Variants in RNF125 observed in about 807,000 individuals in gnomAD.
RNF125 encodes ring finger protein 125.
A neutral mutation model predicts 26.0 loss-of-function variants in RNF125; 21 were observed. The ratio of observed to expected loss-of-function variants is 0.81; its 90% CI spans 0.57 to 1.16. The LOEUF (loss-of-function observed/expected upper bound fraction) is 1.16. Ranked by LOEUF, RNF125 falls within the 50% of genes most tolerant of loss-of-function variation. RNF125 has a pLI of 0.00. For synonymous variants in RNF125, 95 were observed against 109.2 expected (o/e 0.87, Z 0.81); for missense variants, 270 against 299.4 (o/e 0.90, Z 0.72).
At chr18:32,076,606 C>T (rs1322950138), downstream of RNF125, among the ~76,000 whole-genome samples, 8 of 152,238 alleles carry the variant, frequency 5.3e-5, no homozygotes, top group South Asian at 4.1e-4. Flanking sequence ...CCAACACGCC[C>T]GGCCTCCATT....
intron 4 of RNF125, among the ~76,000 whole-genome samples, chr18:32,049,087 T>A (rs887804631): frequency 1.3e-5 from 2 of 152,178 alleles, no homozygotes; most frequent in African/African-American, 4.8e-5. Context: ...GTCAGTTCCG[T>A]GGTACTGTGT....
At position 32,052,048 on chromosome 18, in the gene RNF125, T is replaced by C. The variant is rs555340684; in HGVS notation, c.504+6316T>C. Among the ~76,000 whole-genome samples the C allele has an allele frequency of 2.0e-5, 3 of 152,278 alleles. No homozygotes were observed. In the East Asian group the frequency reaches 5.8e-4, roughly 29 times the overall value. On this transcript the variant is annotated intron_variant, in intron 4 of 5. Transcript: ENST00000217740. Reference sequence around the variant, plus strand: ...ATTCCTTAAGGAAGGGACAGGACTTTTGGTTTGAAGTGTAAACTGTGATGA... The same window carrying C: ...ATTCCTTAAGGAAGGGACAGGACTTCTGGTTTGAAGTGTAAACTGTGATGA...
In RNF125 at chr18:32,037,159, T is replaced by A; in HGVS notation, c.208T>A (p.Trp70Arg). The part of the protein sequence containing the change: ...CIATSLKNNK[W>R]TCPYCRAYLP... The stretch of plus-strand genomic sequence containing the variant: ...TGCTACCAGTCTAAAGAACAACAAG[T>A]GGACCTGTCCTTATTGCCGGGCATA... The change falls in exon 2 of 6, where the codon TGG becomes AGG. Residue 70 changes from tryptophan (W) to arginine (R), a missense_variant. Coordinates refer to ENST00000217740, the MANE Select transcript of RNF125 (RefSeq NM_017831.4). 1 of 1,607,316 alleles carries A rather than the reference T, an allele frequency of 6.2e-7. No homozygotes were observed. The highest frequency in any genetic ancestry group is 1.3e-5 in the African/African-American group (1 of 74,590).
At chr18:32,062,215 C>G (rs1450219123) in intron 4 of RNF125, among the ~76,000 whole-genome samples, 1 of 152,082 alleles carries the variant, frequency 6.6e-6, no homozygotes, top group Non-Finnish European at 1.5e-5. Flanking sequence ...TATCTAACTT[C>G]AAAGTATCCT....
At chr18:32,088,102 T>G in the RNF125 span, among the ~76,000 whole-genome samples, 1 of 152,182 alleles carries the variant, frequency 6.6e-6, no homozygotes, top group African/African-American at 2.4e-5. Flanking sequence ...AAGAGTAATA[T>G]TTAGCTAATA....
At chr18:32,074,831 C>T (rs1382638122), downstream of RNF125, among the ~76,000 whole-genome samples, 4 of 152,202 alleles carry the variant, frequency 2.6e-5, no homozygotes, top group African/African-American at 9.6e-5. Flanking sequence ...GCGTGAGCCA[C>T]CACGCCTGGC....
intron 1 of RNF125, among the ~76,000 whole-genome samples, chr18:32,028,126 G>A (rs537416819): frequency 1.5e-4 from 23 of 151,286 alleles, no homozygotes; most frequent in African/African-American, 2.9e-4. Context: ...GTGAAACCCC[G>A]TCTCTACTAA....
the RNF125 span, among the ~76,000 whole-genome samples, chr18:32,088,051 T>A: frequency 6.6e-6 from 1 of 152,212 alleles, no homozygotes; most frequent in Non-Finnish European, 1.5e-5. Flanking sequence ...TCACTTTGCA[T>A]ATATAGCCCT....
chr18:32,020,884 G>A (rs1157288766), intron 1 of RNF125, among the ~76,000 whole-genome samples: 2 of 151,518 alleles, frequency 1.3e-5, no homozygotes, highest in Admixed American at 6.6e-5. Flanking sequence ...ACTCTAGCCC[G>A]GGCAACAGAG....
chr18:32,076,553 C>G (rs966169034), downstream of RNF125, among the ~76,000 whole-genome samples: 5 of 152,080 alleles, frequency 3.3e-5, no homozygotes, highest in African/African-American at 1.2e-4. Context: ...TCCAGCCATT[C>G]TCTTGCTTTG....
chr18:32,049,755 C>T (rs2039306059), intron 4 of RNF125, among the ~76,000 whole-genome samples: 1 of 152,124 alleles, frequency 6.6e-6, no homozygotes, highest in Non-Finnish European at 1.5e-5. Context: ...AACACAAGAC[C>T]TTCAGGTGTC....
downstream of RNF125, among the ~76,000 whole-genome samples, chr18:32,077,971 G>A (rs2039581284): frequency 6.6e-6 from 1 of 151,350 alleles, no homozygotes; most frequent in Non-Finnish European, 1.5e-5. Flanking sequence ...AAAATTTTTT[G>A]TAGAGACAGG....
At chr18:32,027,064 ATT>A (rs2039043935) in intron 1 of RNF125, among the ~76,000 whole-genome samples, 1 of 152,218 alleles carries the variant, frequency 6.6e-6, no homozygotes, top group African/African-American at 2.4e-5. Context: ...ACAAATATAA[ATT>A]CAAAACAATT....
intron 4 of RNF125, among the ~76,000 whole-genome samples, chr18:32,056,894 A>G (rs547316182): frequency 2.0e-5 from 3 of 152,202 alleles, no homozygotes; most frequent in African/African-American, 4.8e-5. Flanking sequence ...CATAATAGAC[A>G]TACAGCAGCA....
At chr18:32,033,524 CA>C (rs34652019) in intron 1 of RNF125, among the ~76,000 whole-genome samples, 90,794 of 133,236 alleles carry the variant, frequency 0.68, 28,828 homozygotes, top group Non-Finnish European at 0.71. Flanking sequence ...GACTCCACCT[CA>C]AAAAAAAAAA....
rs752635425 is a variant in RNF125 at position 32,065,927 on chromosome 18, C to T, written c.530C>T (p.Pro177Leu). ...TTCTGTCCACTTTGCCGTTTAATAC[C>T]CGATGAGAATCCAAGCAGCTTCAGT... Reference protein sequence around the residue: ...PVFCPLCRLIPDENPSSFSGS... With the variant: ...PVFCPLCRLILDENPSSFSGS... The change falls in exon 5 of 6, where the codon CCC (proline) becomes CTC (leucine). Residue 177 changes from proline to leucine, a missense_variant. Coordinates refer to ENST00000217740, the MANE Select transcript of RNF125 (RefSeq NM_017831.4). 1 of 1,613,230 alleles carries T rather than the reference C, an allele frequency of 6.2e-7. No individual in the cohort carries two copies.
intron 4 of RNF125, among the ~76,000 whole-genome samples, chr18:32,059,161 GAT>G (rs2039413018): frequency 1.3e-5 from 2 of 152,170 alleles, no homozygotes; most frequent in Admixed American, 1.3e-4. Context: ...TGGATCATAT[GAT>G]AGTTTGATTT....
intron 1 of RNF125, among the ~76,000 whole-genome samples, chr18:32,032,250 G>A (rs1224327846): frequency 6.6e-6 from 1 of 151,370 alleles, no homozygotes; most frequent in East Asian, 1.9e-4. Flanking sequence ...CCAATTTTTG[G>A]TATTTTTAGT....
At chr18:32,054,060 T>C (rs996520533) in intron 4 of RNF125, among the ~76,000 whole-genome samples, 1 of 151,512 alleles carries the variant, frequency 6.6e-6, no homozygotes, top group Admixed American at 6.6e-5. Flanking sequence ...AAAGCTCATA[T>C]GATCATGCCT....
Sources: allele counts gnomAD v4.1 joint callset (sites outside exome capture counted in the v4.1 genomes callset), GRCh38; gene constraint gnomAD v4.1.1; transcripts MANE v1.5; gene names NCBI Gene and HGNC (gene_info 2026-07-23, HGNC 2026-07-21).